The following AGBL1 variants were observed in gnomAD, a reference collection of about 807,000 sequenced individuals.
AGBL1 encodes cytosolic carboxypeptidase 4.
Under a neutral mutation model 118.9 loss-of-function variants are expected in AGBL1, and 130 were observed. The ratio of observed to expected loss-of-function variants is 1.09; its 90% CI spans 0.95 to 1.26. The LOEUF is 1.26. AGBL1 is among the 50% of genes most tolerant of loss of function. The probability of loss-of-function intolerance (pLI) is 0.00; values close to 1 mark genes in which losing one functional copy is unlikely to be tolerated. For missense variants in AGBL1, 1,584 were observed against 1,298.1 expected (o/e 1.22, Z -3.38); for synonymous variants, 555 against 478.9 (o/e 1.16, Z -2.08).
intron 22 of AGBL1, among the ~76,000 whole-genome samples, chr15:86,892,010 C>A (rs936490580): frequency 1.3e-5 from 2 of 152,214 alleles, no homozygotes; most frequent in African/African-American, 4.8e-5. Flanking sequence ...TCTCAGTGAA[C>A]CAGCCTCTTA....
chr15:86,383,975 A>G (rs951554808), intron 17 of AGBL1, among the ~76,000 whole-genome samples: 2 of 152,242 alleles, frequency 1.3e-5, no homozygotes, highest in East Asian at 3.8e-4. Flanking sequence ...TTAGTGCTTT[A>G]TAATATGTCT....
intron 18 of AGBL1, among the ~76,000 whole-genome samples, chr15:86,423,485 GA>G (rs199830121): frequency 0.048 from 7,342 of 152,198 alleles, 208 homozygotes; most frequent in South Asian, 0.078. Context: ...ACTAGACAAG[GA>G]TGTCCTCTTT....
At chr15:86,539,114 G>A (rs544277774) in intron 19 of AGBL1, among the ~76,000 whole-genome samples, 1 of 152,124 alleles carries the variant, frequency 6.6e-6, no homozygotes, top group South Asian at 2.1e-4. Flanking sequence ...AAGAAACTGA[G>A]GCACAGAGAG....
intron 22 of AGBL1, among the ~76,000 whole-genome samples, chr15:86,778,001 T>C (rs1242529895): frequency 6.6e-6 from 1 of 152,154 alleles, no homozygotes; most frequent in Non-Finnish European, 1.5e-5. Flanking sequence ...CTTTTCTATG[T>C]TCCCTAAGGG....
chr15:86,649,251 G>A (rs2085332062), intron 21 of AGBL1, among the ~76,000 whole-genome samples: 1 of 152,290 alleles, frequency 6.6e-6, no homozygotes, highest in South Asian at 2.1e-4. Context: ...AGGGGTAGAA[G>A]AGGTTGTGGG....
Position 86,907,992 on chromosome 15 carries a change from T to C in AGBL1, c.*698T>C, listed in dbSNP as rs906579295. The C allele has an allele frequency of 3.9e-5, 6 of 152,172 alleles. No individual in the cohort carries two copies. The highest frequency in any genetic ancestry group is 1.4e-4 in the African/African-American group (6 of 41,450). The allele number at this position is 152,172 out of a possible 1,614,324, so 9.4% of individuals were successfully genotyped here. On this transcript the variant is annotated 3_prime_UTR_variant, in exon 23 of 23. Coordinates refer to ENST00000614907, the MANE Select transcript of AGBL1 (RefSeq NM_001386094.1). ...TATGTATTCAGATCACCAAACATAATGCTAGGAAGTACCAGACCTACTGGA... is the reference window on the plus strand; with the variant it reads ...TATGTATTCAGATCACCAAACATAACGCTAGGAAGTACCAGACCTACTGGA...
chr15:86,389,246 C>T (rs2081242954), intron 17 of AGBL1, among the ~76,000 whole-genome samples: 2 of 151,964 alleles, frequency 1.3e-5, no homozygotes, highest in Admixed American at 1.3e-4. Context: ...AGAAAGAACA[C>T]ATACAACAGA....
intron 23 of AGBL1, among the ~76,000 whole-genome samples, chr15:86,954,229 C>A (rs927354572): frequency 4.6e-5 from 7 of 152,130 alleles, no homozygotes; most frequent in African/African-American, 4.8e-5. Flanking sequence ...CTATAGAAAG[C>A]AGTTGGGAGA....
At chr15:86,394,094 G>T (rs2081328075) in intron 17 of AGBL1, among the ~76,000 whole-genome samples, 1 of 152,104 alleles carries the variant, frequency 6.6e-6, no homozygotes, top group Non-Finnish European at 1.5e-5. Context: ...TGCTATGGAA[G>T]CCCAGAAAAA....
intron 18 of AGBL1, among the ~76,000 whole-genome samples, chr15:86,442,379 G>A (rs905823443): frequency 2.6e-5 from 4 of 152,090 alleles, no homozygotes; most frequent in Admixed American, 6.5e-5. Flanking sequence ...TGTCAAGCTC[G>A]CCATTTTCTT....
At chr15:86,836,422 A>G (rs2079172247) in intron 22 of AGBL1, among the ~76,000 whole-genome samples, 1 of 152,182 alleles carries the variant, frequency 6.6e-6, no homozygotes, top group Non-Finnish European at 1.5e-5. Context: ...CTCTAAATTA[A>G]TTAACACAGT....
Position 86,850,658 on chromosome 15 carries a change from C to G in AGBL1, c.3159-56429C>G, listed in dbSNP as rs554063314. On this transcript the variant is annotated intron_variant, in intron 22 of 22. Transcript: ENST00000614907. ...TATTGATAGGGTTACCTAAATTAAC[C>G]TTGACCATTTCCTTTAACTATAAAA... is the stretch of plus-strand genomic sequence containing the variant. 2.0e-5 allele frequency among the ~76,000 whole-genome samples: 3 copies of G among 152,220 alleles called. No individual in the cohort carries two copies. The East Asian group carries it at 5.8e-4, about 29-fold the overall frequency.
chr15:86,228,855 C>A (rs2078409313), intron 6 of AGBL1, among the ~76,000 whole-genome samples: 1 of 152,210 alleles, frequency 6.6e-6, no homozygotes, highest in African/African-American at 2.4e-5. Flanking sequence ...TCCTAGTTCT[C>A]TTCTCCAGTT....
intron 1 of AGBL1, among the ~76,000 whole-genome samples, chr15:86,116,045 C>T (rs1387375475): frequency 6.6e-6 from 1 of 152,124 alleles, no homozygotes; most frequent in Non-Finnish European, 1.5e-5. Flanking sequence ...TAATTGAGAA[C>T]AATAATAAAA....
chr15:86,715,540 G>C (rs1299229749), intron 22 of AGBL1, among the ~76,000 whole-genome samples: 1 of 152,134 alleles, frequency 6.6e-6, no homozygotes, highest in Admixed American at 6.5e-5. Context: ...AAATAGAATA[G>C]TTACTGATTG....
chr15:86,738,278 G>A (rs988670779), intron 22 of AGBL1, among the ~76,000 whole-genome samples: 1 of 152,050 alleles, frequency 6.6e-6, no homozygotes, highest in Non-Finnish European at 1.5e-5. Context: ...CATCATACTT[G>A]AATGAGAAAA....
intron 17 of AGBL1, among the ~76,000 whole-genome samples, chr15:86,363,328 T>A (rs2080834561): frequency 6.6e-6 from 1 of 152,198 alleles, no homozygotes; most frequent in Non-Finnish European, 1.5e-5. Flanking sequence ...ATCATTTTAC[T>A]GAGTGGTGGG....
chr15:86,757,932 T>G (rs2077965560), intron 22 of AGBL1, among the ~76,000 whole-genome samples: 1 of 152,132 alleles, frequency 6.6e-6, no homozygotes, highest in Non-Finnish European at 1.5e-5. Flanking sequence ...TATTCCACTT[T>G]GTAGAGTTTG....
At chr15:86,429,697 A>G (rs1450289346) in intron 18 of AGBL1, among the ~76,000 whole-genome samples, 1 of 152,154 alleles carries the variant, frequency 6.6e-6, no homozygotes, top group Non-Finnish European at 1.5e-5. Flanking sequence ...CCATGTCTAC[A>G]TTTTTCATTT....
Sources: allele counts gnomAD v4.1 joint callset (sites outside exome capture counted in the v4.1 genomes callset), GRCh38; gene constraint gnomAD v4.1.1; transcripts MANE v1.5; gene names NCBI Gene and HGNC (gene_info 2026-07-23, HGNC 2026-07-21).